Variants in SLC9A9 observed in about 807,000 individuals in gnomAD.
SLC9A9 encodes solute carrier family 9 member A9, also known as sodium/hydrogen exchanger 9.
A neutral mutation model predicts 77.8 loss-of-function variants in SLC9A9; 62 were observed. That is an observed-to-expected ratio of 0.80 (90% CI 0.65 to 0.98). The LOEUF (loss-of-function observed/expected upper bound fraction) is 0.98, where lower values mean the gene tolerates loss of function less well. SLC9A9 is among the 50% of genes least tolerant of loss of function. The pLI is 0.00. For missense variants in SLC9A9, 775 were observed against 774.9 expected, an observed-to-expected ratio of 1.00 and a Z score of 0.00; for synonymous variants, 320 against 283.5, an observed-to-expected ratio of 1.13 and a Z score of -1.29.
chr3:143,663,807 C>T (rs150670368), intron 5 of SLC9A9, among the ~76,000 whole-genome samples: 17 of 151,966 alleles, frequency 1.1e-4, no homozygotes, highest in African/African-American at 1.7e-4. Context: ...CCAAGAAATA[C>T]GGGAAACTCA....
intron 4 of SLC9A9, among the ~76,000 whole-genome samples, chr3:143,726,858 C>T (rs1349799857): frequency 6.6e-6 from 1 of 152,164 alleles, no homozygotes; most frequent in Non-Finnish European, 1.5e-5. Context: ...CCTTAATTCT[C>T]AAGCAATCCA....
intron 14 of SLC9A9, among the ~76,000 whole-genome samples, chr3:143,270,353 CT>C (rs1444757128): frequency 6.6e-6 from 1 of 152,158 alleles, no homozygotes; most frequent in Non-Finnish European, 1.5e-5. Context: ...AATCCAAAGG[CT>C]CCCTCTGCTA....
chr3:143,822,505 G>A (rs1024539455), intron 2 of SLC9A9, among the ~76,000 whole-genome samples: 8 of 152,200 alleles, frequency 5.3e-5, no homozygotes, highest in African/African-American at 1.9e-4. Flanking sequence ...AAGGCAACAA[G>A]AGACAACCAG....
chr3:143,814,020 C>T (rs936023581), intron 2 of SLC9A9, among the ~76,000 whole-genome samples: 5 of 152,142 alleles, frequency 3.3e-5, no homozygotes, highest in African/African-American at 4.8e-5. Flanking sequence ...CAGGAGACAT[C>T]CATTCACTCA....
chr3:143,600,051 T>G (rs926840801), intron 6 of SLC9A9, among the ~76,000 whole-genome samples: 1 of 152,156 alleles, frequency 6.6e-6, no homozygotes, highest in Non-Finnish European at 1.5e-5. Context: ...TAATTATACT[T>G]TAAGTTCTGG....
At chr3:143,434,469 C>T (rs1010620559) in intron 12 of SLC9A9, among the ~76,000 whole-genome samples, 2 of 152,252 alleles carry the variant, frequency 1.3e-5, no homozygotes, top group African/African-American at 4.8e-5. Context: ...AAGAAGTCCT[C>T]CTGGAAGAGC....
chr3:143,648,836 G>GTGGAACTAAAATTTAGTCTGGGAATGC (rs2038749228), intron 6 of SLC9A9, among the ~76,000 whole-genome samples: 1 of 152,124 alleles, frequency 6.6e-6, no homozygotes, highest in African/African-American at 2.4e-5. Context: ...TCTGGGAATG[G>GTGGAACTAAAATTTAGTCTGGGAATGC]TGGAACAAAA....
At chr3:143,342,937 C>T (rs2032151619) in intron 14 of SLC9A9, among the ~76,000 whole-genome samples, 1 of 152,160 alleles carries the variant, frequency 6.6e-6, no homozygotes, top group Admixed American at 6.6e-5. Context: ...GTCAAAACAA[C>T]CTCAAATGCT....
intron 11 of SLC9A9, among the ~76,000 whole-genome samples, chr3:143,483,381 A>T (rs2035604952): frequency 6.6e-6 from 1 of 152,176 alleles, no homozygotes; most frequent in Non-Finnish European, 1.5e-5. Flanking sequence ...AACTGGATCC[A>T]TCTACATAGC....
At chr3:143,313,015 T>C (rs1332674442) in intron 14 of SLC9A9, 1 of 152,126 alleles carries the variant, frequency 6.6e-6, no homozygotes, top group Non-Finnish European at 1.5e-5. Flanking sequence ...AGCTATAATA[T>C]TACACGAGAA....
intron 14 of SLC9A9, among the ~76,000 whole-genome samples, chr3:143,276,613 ATTG>A (rs1393927620): frequency 2.0e-5 from 3 of 152,280 alleles, no homozygotes. Flanking sequence ...AGATTTTGAT[ATTG>A]TTTTCTGTAG....
chr3:143,478,181 G>A (rs1342134714), intron 11 of SLC9A9, among the ~76,000 whole-genome samples: 1 of 152,236 alleles, frequency 6.6e-6, no homozygotes, highest in Non-Finnish European at 1.5e-5. Flanking sequence ...TTAAGGAAGG[G>A]TAGCTCACAA....
At chr3:143,564,880 C>T (rs1386669019) in intron 8 of SLC9A9, among the ~76,000 whole-genome samples, 1 of 152,128 alleles carries the variant, frequency 6.6e-6, no homozygotes, top group African/African-American at 2.4e-5. Flanking sequence ...GTAAATTCTT[C>T]ATAACATAGT....
chr3:143,464,216 T>C (rs916013335), intron 12 of SLC9A9, among the ~76,000 whole-genome samples: 1 of 152,204 alleles, frequency 6.6e-6, no homozygotes, highest in African/African-American at 2.4e-5. Flanking sequence ...TCGTGGTGTT[T>C]TTGGAGAAGA....
At chr3:143,646,354 T>C (rs960931370) in intron 6 of SLC9A9, among the ~76,000 whole-genome samples, 2 of 148,188 alleles carry the variant, frequency 1.3e-5, no homozygotes, top group Non-Finnish European at 3.0e-5. Context: ...TATGTTAGTA[T>C]ATATAATATA....
chr3:143,602,390 T>G (rs1212121115), intron 6 of SLC9A9, among the ~76,000 whole-genome samples: 2 of 152,178 alleles, frequency 1.3e-5, no homozygotes, highest in Admixed American at 1.3e-4. Flanking sequence ...CGTCCACCTC[T>G]TAAGATGTTC....
intron 4 of SLC9A9, among the ~76,000 whole-genome samples, chr3:143,760,798 A>G (rs1278386637): frequency 6.6e-6 from 1 of 152,202 alleles, no homozygotes; most frequent in African/African-American, 2.4e-5. Flanking sequence ...TGCCATCCCC[A>G]TCAAGCTACC....
At chr3:143,470,486 A>G (rs1268080732) in intron 11 of SLC9A9, among the ~76,000 whole-genome samples, 3 of 151,678 alleles carry the variant, frequency 2.0e-5, no homozygotes, top group Admixed American at 6.6e-5. Context: ...GGCTCAAAAA[A>G]AAAAAAAAGA....
intron 13 of SLC9A9, chr3:143,381,353 GC>G (rs2033298497): frequency 1.3e-5 from 2 of 152,568 alleles, no homozygotes; most frequent in Non-Finnish European, 2.9e-5. Context: ...CCCTGCACAA[GC>G]TCTCTCTTTG....
Sources: gnomAD v4.1 joint callset for allele counts (sites outside exome capture counted in the v4.1 genomes callset) on GRCh38, gnomAD v4.1.1 for gene constraint, MANE v1.5 for transcripts, NCBI Gene and HGNC (gene_info 2026-07-23, HGNC 2026-07-21) for gene names.